The following METTL16 variants were observed in gnomAD, a reference collection of about 807,000 sequenced individuals.
METTL16 encodes the protein methyltransferase 16, RNA N6-adenosine.
A neutral mutation model predicts 57.9 loss-of-function variants in METTL16; 19 were observed. The ratio of observed to expected loss-of-function variants is 0.33; its 90% confidence interval spans 0.23 to 0.48. The LOEUF is 0.48. METTL16 is among the 20% of genes least tolerant of loss of function. The pLI, the probability that METTL16 is intolerant of heterozygous loss-of-function variation, is 0.99. For synonymous variants in METTL16, 246 were observed against 255.6 expected (o/e 0.96, Z 0.36); for missense variants, 434 against 691.5 (o/e 0.63, Z 4.18).
intron 5 of METTL16, among the ~76,000 whole-genome samples, chr17:2,466,965 GTTAA>G (rs1244915781): frequency 2.0e-5 from 3 of 151,854 alleles, no homozygotes; most frequent in African/African-American, 7.3e-5. Flanking sequence ...ATAGTGCCTG[GTTAA>G]TTGTTTTTGT....
intron 8 of METTL16, among the ~76,000 whole-genome samples, chr17:2,422,411 G>T (rs182061863): frequency 6.6e-6 from 1 of 151,184 alleles, no homozygotes; most frequent in African/African-American, 2.4e-5. Flanking sequence ...TTTTGAGATG[G>T]AATCTCACTC....
intron 2 of METTL16, among the ~76,000 whole-genome samples, chr17:2,499,400 C>T (rs976985646): frequency 6.8e-6 from 1 of 146,084 alleles, no homozygotes; most frequent in Admixed American, 6.9e-5. Context: ...GACTCCTGGA[C>T]TCAAGATCCT....
intron 8 of METTL16, among the ~76,000 whole-genome samples, chr17:2,430,700 G>C (rs1185148669): frequency 6.6e-6 from 1 of 151,980 alleles, no homozygotes; most frequent in African/African-American, 2.4e-5. Flanking sequence ...TTACAGGCGT[G>C]AGCCACCGCG....
intron 2 of METTL16, among the ~76,000 whole-genome samples, chr17:2,493,439 C>G (rs1004280771): frequency 6.6e-6 from 1 of 150,810 alleles, no homozygotes; most frequent in Non-Finnish European, 1.5e-5. Flanking sequence ...CCATTGTAGG[C>G]TGGGCGCTGT....
intron 1 of METTL16, among the ~76,000 whole-genome samples, chr17:2,511,422 C>T (rs185699045): frequency 7.9e-5 from 12 of 152,224 alleles, no homozygotes; most frequent in Non-Finnish European, 2.9e-5. Flanking sequence ...CTCATAAATC[C>T]GACGTTTCCC....
chr17:2,455,266 T>C (rs1186649516), intron 6 of METTL16: 2 of 155,136 alleles, frequency 1.3e-5, no homozygotes, highest in African/African-American at 4.8e-5. Flanking sequence ...TTTTTGTATT[T>C]TTATAAAGAC....
At chr17:2,431,470 T>C (rs536728343) in intron 8 of METTL16, among the ~76,000 whole-genome samples, 3 of 152,352 alleles carry the variant, frequency 2.0e-5, no homozygotes, top group African/African-American at 4.8e-5. Context: ...TGAATACACA[T>C]TTCTTTTGGA....
chr17:2,426,397 G>A (rs761144993), intron 8 of METTL16, among the ~76,000 whole-genome samples: 1 of 152,078 alleles, frequency 6.6e-6, no homozygotes, highest in Non-Finnish European at 1.5e-5. Flanking sequence ...TGTTTAAAAT[G>A]TCCTGAAATC....
At chr17:2,437,408 T>A (rs2151548381) in intron 8 of METTL16, among the ~76,000 whole-genome samples, 1 of 152,296 alleles carries the variant, frequency 6.6e-6, no homozygotes, top group South Asian at 2.1e-4. Flanking sequence ...GAGGCAGCTA[T>A]TCTAGGAAAG....
At chr17:2,493,126 C>CT (rs201893707) in intron 2 of METTL16, among the ~76,000 whole-genome samples, 6,839 of 138,312 alleles carry the variant, frequency 0.049, 191 homozygotes, top group Non-Finnish European at 0.062. Flanking sequence ...TTTGGTGATT[C>CT]TTCTTTTTTT....
At chr17:2,487,049 C>A (rs1230280844) in intron 2 of METTL16, among the ~76,000 whole-genome samples, 3 of 142,056 alleles carry the variant, frequency 2.1e-5, no homozygotes, top group Non-Finnish European at 4.6e-5. Context: ...ATAAAGGTAG[C>A]AATGGCAGAG....
intron 2 of METTL16, among the ~76,000 whole-genome samples, chr17:2,491,671 G>A (rs2044170): frequency 6.6e-6 from 1 of 151,790 alleles, no homozygotes; most frequent in Non-Finnish European, 1.5e-5. Flanking sequence ...GTCAGGAGAT[G>A]GAGACCATCC....
intron 3 of METTL16, among the ~76,000 whole-genome samples, chr17:2,474,098 G>A (rs1402876525): frequency 1.3e-5 from 2 of 151,880 alleles, no homozygotes; most frequent in East Asian, 3.9e-4. Flanking sequence ...AAAAAATGAA[G>A]AACACACAAG....
Position 2,443,660 on chromosome 17 carries a change from T to A in METTL16, c.729-2101A>T, listed in dbSNP as rs11868490. Among the ~76,000 whole-genome samples, 1,150 of 152,006 alleles carry A rather than the reference T, an allele frequency of 7.6e-3. 7 individuals carry two copies. The highest frequency in any genetic ancestry group is 0.013 in the Non-Finnish European group (862 of 67,950). On this transcript the variant is annotated intron_variant, in intron 6 of 9. Coordinates refer to ENST00000263092, the MANE Select transcript of METTL16 (RefSeq NM_024086.4). ...CACCACGACGCCCGGCTATTTTTTTTTTATTATTATTTTTATTTTTAGTAG... is the reference window on the plus strand; with the variant it reads ...CACCACGACGCCCGGCTATTTTTTTATTATTATTATTTTTATTTTTAGTAG...
chr17:2,424,956 A>AG (rs2066807466), intron 8 of METTL16, among the ~76,000 whole-genome samples: 1 of 152,210 alleles, frequency 6.6e-6, no homozygotes, highest in East Asian at 1.9e-4. Flanking sequence ...TCAAAAAAAA[A>AG]AAAAAAGACA....
intron 6 of METTL16, among the ~76,000 whole-genome samples, chr17:2,456,815 G>C (rs555331344): frequency 6.6e-6 from 1 of 152,096 alleles, no homozygotes; most frequent in East Asian, 1.9e-4. Flanking sequence ...TTAAGACATA[G>C]TTTCACTCTG....
intron 6 of METTL16, among the ~76,000 whole-genome samples, chr17:2,447,123 T>C (rs1239166955): frequency 3.6e-5 from 5 of 138,232 alleles, no homozygotes; most frequent in Admixed American, 6.9e-5. Flanking sequence ...CGCCGTCCCA[T>C]CTAGGAAGCG....
intron 2 of METTL16, among the ~76,000 whole-genome samples, chr17:2,492,924 A>G (rs1299109727): frequency 6.6e-6 from 1 of 150,646 alleles, no homozygotes; most frequent in Non-Finnish European, 1.5e-5. Flanking sequence ...AAACAACAAA[A>G]AAAACACAGC....
At chr17:2,507,755 G>A (rs1266829011) in intron 1 of METTL16, among the ~76,000 whole-genome samples, 1 of 152,180 alleles carries the variant, frequency 6.6e-6, no homozygotes, top group African/African-American at 2.4e-5. Context: ...GGTAGACATG[G>A]GAGACTTTTC....
Sources: allele counts gnomAD v4.1 joint callset (sites outside exome capture counted in the v4.1 genomes callset), GRCh38; gene constraint gnomAD v4.1.1; transcripts MANE v1.5; gene names NCBI Gene and HGNC (gene_info 2026-07-23, HGNC 2026-07-21).